The following PTPRQ variants were observed in gnomAD, a reference collection of about 807,000 sequenced individuals.
PTPRQ encodes the protein phosphatidylinositol phosphatase PTPRQ.
PTPRQ carries 199 observed loss-of-function variants against 246.0 expected under a neutral mutation model. The observed-to-expected ratio is 0.81, with a 90% CI of 0.72 to 0.91. The LOEUF (loss-of-function observed/expected upper bound fraction) is 0.91. Ranked by LOEUF, PTPRQ falls within the 40% of genes least tolerant of loss-of-function variation. The pLI is 0.00. For synonymous variants in PTPRQ, 869 were observed against 853.2 expected, an observed-to-expected ratio of 1.02 and a Z score of -0.32; for missense variants, 2,624 against 2,528.4, an observed-to-expected ratio of 1.04 and a Z score of -0.81.
chr12:80,499,078 T>C (rs1894716465), intron 14 of PTPRQ, among the ~76,000 whole-genome samples: 1 of 150,672 alleles, frequency 6.6e-6, no homozygotes, highest in Non-Finnish European at 1.5e-5. Context: ...CTAGGACCAT[T>C]TGGGTAAAAG....
At chr12:80,612,486 T>C (rs1037706761) in intron 28 of PTPRQ, among the ~76,000 whole-genome samples, 1 of 150,442 alleles carries the variant, frequency 6.6e-6, no homozygotes, top group Non-Finnish European at 1.5e-5. Context: ...TTATTGTCTA[T>C]GTACTAGAAC....
chr12:80,516,805 C>T (rs1268897724), intron 17 of PTPRQ, among the ~76,000 whole-genome samples: 1 of 152,044 alleles, frequency 6.6e-6, no homozygotes, highest in African/African-American at 2.4e-5. Flanking sequence ...AAGTTATATC[C>T]ATTTTGGAGT....
chr12:80,586,236 G>A (rs1446395075), intron 25 of PTPRQ, among the ~76,000 whole-genome samples: 1 of 151,686 alleles, frequency 6.6e-6, no homozygotes. Context: ...GTGGGCGAAG[G>A]ACATGAACAG....
rs146199719 is a variant in PTPRQ at position 80,610,577 on chromosome 12, G to A, written c.4870G>A (p.Val1624Ile). The change falls in exon 28 of 45, where the codon GTA becomes ATA. Residue 1624 changes from valine to isoleucine, a missense_variant. Coordinates refer to ENST00000644991, the MANE Select transcript of PTPRQ (RefSeq NM_001145026.2). ...AFTGNISAAY[V>I]EGKSSAEMIV... ...TACTGGGAACATTAGTGCTGCATAT[G>A]TAGAAGGGAAGTCAAGTGCTGAAAT... 5 of 1,543,748 alleles carry A rather than the reference G, an allele frequency of 3.2e-6. No individual in the cohort carries two copies. The highest frequency in any genetic ancestry group is 2.0e-5 in the Admixed American group (1 of 50,670).
intron 25 of PTPRQ, among the ~76,000 whole-genome samples, chr12:80,562,418 T>C (rs1896853819): frequency 1.3e-5 from 2 of 152,220 alleles, no homozygotes; most frequent in African/African-American, 4.8e-5. Flanking sequence ...GATGTCTTTT[T>C]GGAGAATTTT....
At chr12:80,445,790 AC>A in intron 3 of PTPRQ, 73 bp downstream of exon 3, 1 of 1,057,064 alleles carries the variant, frequency 9.5e-7, no homozygotes, top group African/African-American at 1.6e-5. Flanking sequence ...GGTTTTTCTC[AC>A]CTTGTCAAGC....
chr12:80,457,054 T>C (rs1893003225), intron 3 of PTPRQ, among the ~76,000 whole-genome samples: 1 of 152,118 alleles, frequency 6.6e-6, no homozygotes, highest in African/African-American at 2.4e-5. Context: ...TTGGAAGATA[T>C]TATTCAAATC....
intron 16 of PTPRQ, among the ~76,000 whole-genome samples, chr12:80,509,144 A>G (rs1895050405): frequency 6.6e-6 from 1 of 152,058 alleles, no homozygotes; most frequent in African/African-American, 2.4e-5. Context: ...TTATAGTGCC[A>G]GTGAAAATAA....
chr12:80,487,395 A>G (rs1225139866), intron 9 of PTPRQ, among the ~76,000 whole-genome samples: 1 of 152,094 alleles, frequency 6.6e-6, no homozygotes, highest in East Asian at 1.9e-4. Context: ...TGTGTCAAGA[A>G]TAAGGCCTAA....
intron 35 of PTPRQ, among the ~76,000 whole-genome samples, chr12:80,646,763 AT>A (rs1900089235): frequency 6.6e-6 from 1 of 152,170 alleles, no homozygotes; most frequent in African/African-American, 2.4e-5. Context: ...GAAAAAAAAA[AT>A]CTTTAGGGAG....
rs1487021815 is a variant in PTPRQ at position 80,496,460 on chromosome 12, T to G, written c.2201T>G (p.Val734Gly). The G allele has an allele frequency of 4.5e-6, 7 of 1,550,734 alleles. No homozygotes were observed. Among genetic ancestry groups the G allele is most frequent in the Non-Finnish European group, 2.6e-6 (3 of 1,146,426 alleles). Reference protein sequence around the residue: ...LRPHTLYNISVRSYTRFGHGN... With the variant: ...LRPHTLYNISGRSYTRFGHGN... The stretch of plus-strand genomic sequence containing the variant: ...CCTCACACCCTCTATAACATTTCTG[T>G]AAGGTCTTACACCAGATTTGGTCAT... The change falls in exon 14 of 45, where the codon GTA (valine) becomes GGA (glycine). Residue 734 changes from valine (V) to glycine (G), a missense_variant. Coordinates refer to ENST00000644991, the MANE Select transcript of PTPRQ (RefSeq NM_001145026.2).
At chr12:80,560,795 G>C (rs1267765975) in intron 25 of PTPRQ, among the ~76,000 whole-genome samples, 1 of 152,122 alleles carries the variant, frequency 6.6e-6, no homozygotes, top group Non-Finnish European at 1.5e-5. Flanking sequence ...TATCACTATA[G>C]GATACCCTGT....
At chr12:80,672,324 C>T (rs1296680580) in intron 42 of PTPRQ, among the ~76,000 whole-genome samples, 2 of 151,030 alleles carry the variant, frequency 1.3e-5, no homozygotes, top group East Asian at 3.9e-4. Flanking sequence ...TATATATATA[C>T]ATGTTACTAT....
chr12:80,606,776 T>A (rs1229939707), intron 27 of PTPRQ, among the ~76,000 whole-genome samples: 1 of 151,014 alleles, frequency 6.6e-6, no homozygotes, highest in African/African-American at 2.4e-5. Context: ...AGTCTCTATT[T>A]TCTGTTCCTT....
chr12:80,517,241 T>C (rs746289938), intron 17 of PTPRQ, among the ~76,000 whole-genome samples: 84 of 152,294 alleles, frequency 5.5e-4, no homozygotes, highest in Non-Finnish European at 1.0e-3. Context: ...ATCAGAACAC[T>C]TTTGCCATAT....
intron 28 of PTPRQ, 150 bp from the exon 29 acceptor site, chr12:80,613,442 T>C (rs768356813): frequency 1.1e-5 from 8 of 715,582 alleles, no homozygotes; most frequent in Admixed American, 6.5e-5. Context: ...GATTCTATAA[T>C]GCGTCAGTCA....
intron 25 of PTPRQ, among the ~76,000 whole-genome samples, chr12:80,563,437 C>T (rs1235333810): frequency 6.6e-6 from 1 of 152,020 alleles, no homozygotes; most frequent in Non-Finnish European, 1.5e-5. Context: ...AGGGCAGAGC[C>T]CTCATGAGCT....
At chr12:80,518,761 A>T (rs976143935) in intron 17 of PTPRQ, among the ~76,000 whole-genome samples, 2 of 152,118 alleles carry the variant, frequency 1.3e-5, no homozygotes, top group Admixed American at 6.6e-5. Flanking sequence ...TGTTCTTGGC[A>T]TCTTTAGCAA....
intron 25 of PTPRQ, among the ~76,000 whole-genome samples, chr12:80,558,860 C>T (rs1400293556): frequency 6.6e-6 from 1 of 152,122 alleles, no homozygotes; most frequent in African/African-American, 2.4e-5. Flanking sequence ...TTTTTATGTA[C>T]TTATGTACCA....
Sources: gnomAD v4.1 joint callset for allele counts (sites outside exome capture counted in the v4.1 genomes callset) on GRCh38, gnomAD v4.1.1 for gene constraint, MANE v1.5 for transcripts, NCBI Gene and HGNC (gene_info 2026-07-23, HGNC 2026-07-21) for gene names.